PTPRK: variants seen among roughly 807,000 people sequenced by gnomAD.
The protein encoded by PTPRK is receptor-type tyrosine-protein phosphatase kappa.
PTPRK carries 75 observed loss-of-function variants against 178.0 expected under a neutral mutation model. The observed-to-expected ratio is 0.42, with a 90% CI of 0.35 to 0.51. The LOEUF is 0.51. Ranked by LOEUF, PTPRK falls within the 20% of genes least tolerant of loss-of-function variation. PTPRK has a pLI of 0.02. For synonymous variants in PTPRK, 637 were observed against 620.6 expected, an observed-to-expected ratio of 1.03 and a Z score of -0.39; for missense variants, 1,441 against 1,797.8, an observed-to-expected ratio of 0.80 and a Z score of 3.59.
At chr6:128,512,936 A>G (rs534020062) in intron 1 of PTPRK, among the ~76,000 whole-genome samples, 34 of 152,360 alleles carry the variant, frequency 2.2e-4, no homozygotes, top group Middle Eastern at 3.4e-3. Context: ...GTCAGAGGGA[A>G]TAGTATTTCC....
At chr6:128,235,025 C>T (rs944858183) in intron 5 of PTPRK, among the ~76,000 whole-genome samples, 3 of 152,060 alleles carry the variant, frequency 2.0e-5, no homozygotes, top group Admixed American at 2.0e-4. Context: ...ATGTCCTTAA[C>T]ACAAAGAAAT....
chr6:128,464,636 CACATATATATATATAT>C (rs1326417204), intron 1 of PTPRK, among the ~76,000 whole-genome samples: 10,244 of 40,746 alleles, frequency 0.25, 1,131 homozygotes, highest in African/African-American at 0.47. Flanking sequence ...TATATATATA[CACATATATATATATAT>C]ATATATATAT....
intron 13 of PTPRK, among the ~76,000 whole-genome samples, chr6:128,010,353 T>C (rs536250133): frequency 1.3e-5 from 2 of 151,278 alleles, no homozygotes; most frequent in African/African-American, 4.8e-5. Flanking sequence ...GGTGTCCACA[T>C]GAACAGATAC....
intron 18 of PTPRK, 152 bp from the exon 19 acceptor site, chr6:127,992,861 C>A: frequency 1.9e-6 from 1 of 532,304 alleles, no homozygotes; most frequent in Non-Finnish European, 3.3e-6. Flanking sequence ...ACTTCTCAAA[C>A]CTATGTTATC....
At chr6:128,390,634 GA>G (rs550016325) in intron 2 of PTPRK, among the ~76,000 whole-genome samples, 2 of 152,114 alleles carry the variant, frequency 1.3e-5, no homozygotes, top group Non-Finnish European at 2.9e-5. Context: ...GGTGGTACTG[GA>G]ACAAGAGTAA....
chr6:128,101,954 T>C lies in PTPRK; in HGVS notation c.1163-11962A>G, dbSNP rs1342797848. 2.6e-5 allele frequency among the ~76,000 whole-genome samples: 4 copies of C among 152,186 alleles called. No homozygotes were observed. In the East Asian group the frequency reaches 7.7e-4, roughly 29 times the overall value. On this transcript the variant is annotated intron_variant, in intron 7 of 29. Coordinates refer to ENST00000368226, the MANE Select transcript of PTPRK (RefSeq NM_002844.4). Reference sequence around the variant, plus strand: ...CAGGAAGTCTGACAAAGTAACAATGTGATAAATAATGTTTTAATCTGTACC... The same window carrying C: ...CAGGAAGTCTGACAAAGTAACAATGCGATAAATAATGTTTTAATCTGTACC...
intron 2 of PTPRK, among the ~76,000 whole-genome samples, chr6:128,381,893 A>T (rs6920428): frequency 6.6e-6 from 1 of 152,138 alleles, no homozygotes; most frequent in Non-Finnish European, 1.5e-5. Context: ...ATTTAACAGA[A>T]ATTAATTTCA....
chr6:128,222,316 A>T (rs1016961100), intron 5 of PTPRK, among the ~76,000 whole-genome samples: 1 of 152,174 alleles, frequency 6.6e-6, no homozygotes, highest in Admixed American at 6.5e-5. Context: ...ATGGTACCTT[A>T]CACCCTCTTT....
intron 13 of PTPRK, among the ~76,000 whole-genome samples, chr6:128,031,370 C>T (rs1242971214): frequency 6.6e-6 from 1 of 152,156 alleles, no homozygotes; most frequent in Non-Finnish European, 1.5e-5. Flanking sequence ...TGGCACTTTG[C>T]ACTTTGTTTG....
intron 1 of PTPRK, among the ~76,000 whole-genome samples, chr6:128,436,358 C>G (rs544586001): frequency 1.8e-4 from 28 of 152,198 alleles, no homozygotes; most frequent in South Asian, 1.7e-3. Context: ...TAAAGAAAAT[C>G]AGATTTGAAA....
chr6:128,051,209 C>T lies in PTPRK; in HGVS notation c.2194+13549G>A, dbSNP rs1778948552. On this transcript the variant is annotated intron_variant, in intron 13 of 29. Transcript: ENST00000368226. ...AAATGTATTCTTTCTTATATATATT[C>T]AATATTTTTTGCTCCATTGGTAGGT... Among the ~76,000 whole-genome samples the T allele has an allele frequency of 2.0e-5, 3 of 152,250 alleles. No individual in the cohort carries two copies. The South Asian group carries it at 6.2e-4, about 32-fold the overall frequency.
chr6:128,336,121 C>G (rs1830886272), intron 2 of PTPRK, among the ~76,000 whole-genome samples: 1 of 151,958 alleles, frequency 6.6e-6, no homozygotes, highest in Non-Finnish European at 1.5e-5. Context: ...GATATTCCTT[C>G]AACAAAACAT....
At chr6:127,993,395 A>T (rs1159903932) in intron 18 of PTPRK, among the ~76,000 whole-genome samples, 1 of 151,582 alleles carries the variant, frequency 6.6e-6, no homozygotes, top group Non-Finnish European at 1.5e-5. Flanking sequence ...AGTTCTGTTG[A>T]GGAGGAATAG....
At chr6:128,270,987 T>C (rs1367244972) in intron 3 of PTPRK, among the ~76,000 whole-genome samples, 1 of 152,100 alleles carries the variant, frequency 6.6e-6, no homozygotes, top group East Asian at 1.9e-4. Context: ...TTCCGACTAC[T>C]TCGACTGTCC....
At chr6:128,470,003 T>TA (rs1328967095) in intron 1 of PTPRK, among the ~76,000 whole-genome samples, 2 of 152,134 alleles carry the variant, frequency 1.3e-5, no homozygotes, top group South Asian at 2.1e-4. Flanking sequence ...TCCAGAAATG[T>TA]AAGAGAATAA....
At chr6:128,216,135 C>A (rs1809240668) in intron 6 of PTPRK, among the ~76,000 whole-genome samples, 1 of 152,244 alleles carries the variant, frequency 6.6e-6, no homozygotes, top group African/African-American at 2.4e-5. Flanking sequence ...AAATATATTT[C>A]TAAAATGATA....
At chr6:128,515,591 C>A (rs962034352) in intron 1 of PTPRK, among the ~76,000 whole-genome samples, 1 of 152,146 alleles carries the variant, frequency 6.6e-6, no homozygotes, top group Admixed American at 6.5e-5. Context: ...TGCGCAAAGG[C>A]AAAGGCTGAT....
intron 1 of PTPRK, among the ~76,000 whole-genome samples, chr6:128,465,920 C>T (rs569871389): frequency 5.3e-5 from 8 of 152,226 alleles, no homozygotes; most frequent in African/African-American, 1.2e-4. Context: ...CTCAAGCTCT[C>T]GGCCCATTGT....
At chr6:128,364,217 A>G (rs758885655) in intron 2 of PTPRK, among the ~76,000 whole-genome samples, 1 of 152,086 alleles carries the variant, frequency 6.6e-6, no homozygotes, top group Non-Finnish European at 1.5e-5. Context: ...CAAAATTCTA[A>G]CAAAATTGTG....
Sources: allele counts gnomAD v4.1 joint callset (sites outside exome capture counted in the v4.1 genomes callset), GRCh38; gene constraint gnomAD v4.1.1; transcripts MANE v1.5; gene names NCBI Gene and HGNC (gene_info 2026-07-23, HGNC 2026-07-21).